RASSF8: variants seen among roughly 807,000 people sequenced by gnomAD.
RASSF8 encodes the protein ras association domain-containing protein 8.
Under a neutral mutation model 48.5 loss-of-function variants are expected in RASSF8, and 22 were observed. The ratio of observed to expected loss-of-function variants is 0.45; its 90% CI spans 0.32 to 0.65. RASSF8 has a LOEUF of 0.65. RASSF8 is among the 30% of genes least tolerant of loss of function. The pLI is 0.03. For synonymous variants in RASSF8, 127 were observed against 171.5 expected (o/e 0.74, Z 2.03); for missense variants, 418 against 489.2 (o/e 0.85, Z 1.37).
At chr12:25,988,672 A>G (rs936580205) in intron 1 of RASSF8, among the ~76,000 whole-genome samples, 1 of 152,218 alleles carries the variant, frequency 6.6e-6, no homozygotes, top group Non-Finnish European at 1.5e-5. Context: ...CAGTTCAGGA[A>G]ATAGTATGTG....
intron 2 of RASSF8, among the ~76,000 whole-genome samples, chr12:26,031,752 G>A (rs1334866614): frequency 2.0e-5 from 3 of 151,978 alleles, no homozygotes; most frequent in Non-Finnish European, 4.4e-5. Context: ...GAGAACTTGA[G>A]AAAAAGAGGG....
In RASSF8 at chr12:26,067,727, A is replaced by C; in HGVS notation, c.1138+14A>C. 6.2e-7 allele frequency: 1 copy of C among 1,613,322 alleles called. No individual in the cohort carries two copies. The highest frequency in any genetic ancestry group is 1.1e-5 in the South Asian group (1 of 91,026). On this transcript the variant is annotated intron_variant, in intron 5 of 5. Coordinates refer to ENST00000689635, the MANE Select transcript of RASSF8 (RefSeq NM_001394098.1). Reference sequence around the variant, plus strand: ...ACATTGAAAGGGGTAAGATGTTGATAAATATGGTTTATTTTCCCTTTATTC... The same window carrying C: ...ACATTGAAAGGGGTAAGATGTTGATCAATATGGTTTATTTTCCCTTTATTC...
In RASSF8 at chr12:26,067,599, A is replaced by T; in HGVS notation, c.1024A>T (p.Lys342Ter). The T allele has an allele frequency of 1.2e-6, 2 of 1,613,916 alleles. No individual in the cohort carries two copies. Among genetic ancestry groups the T allele is most frequent in the Non-Finnish European group, 1.7e-6 (2 of 1,179,852 alleles). ...AGAACAGGAACTGGAGCAGTTGACT[A>T]AGGAGTTGCGGCAAGTCAATCTCCA... Reference protein sequence around the residue: ...DKEQELEQLTKELRQVNLQQF... With the variant: ...DKEQELEQLT Residue 342 changes from lysine to a stop codon, truncating the protein, a stop_gained, in exon 5 of 6, where the codon AAG (lysine) becomes TAG (stop). Coordinates refer to ENST00000689635, the MANE Select transcript of RASSF8 (RefSeq NM_001394098.1). LOFTEE classifies it high-confidence loss of function.
At chr12:26,038,783 G>A (rs1943205449) in intron 2 of RASSF8, among the ~76,000 whole-genome samples, 3 of 152,032 alleles carry the variant, frequency 2.0e-5, no homozygotes, top group Admixed American at 6.6e-5. Flanking sequence ...TTTGACTTTA[G>A]TGTCCTCACA....
At chr12:26,049,103 A>G (rs1363030961) in intron 2 of RASSF8, among the ~76,000 whole-genome samples, 1 of 152,224 alleles carries the variant, frequency 6.6e-6, no homozygotes. Flanking sequence ...TTAAAATCCC[A>G]AGCTAAATAC....
At chr12:26,016,838 G>A (rs1455340763) in intron 2 of RASSF8, among the ~76,000 whole-genome samples, 1 of 152,084 alleles carries the variant, frequency 6.6e-6, no homozygotes, top group Non-Finnish European at 1.5e-5. Context: ...AACAAAACAG[G>A]ATAGATAATG....
At chr12:26,041,589 G>A (rs1233081461) in intron 2 of RASSF8, among the ~76,000 whole-genome samples, 1 of 152,094 alleles carries the variant, frequency 6.6e-6, no homozygotes, top group African/African-American at 2.4e-5. Context: ...AAGAAGCAGA[G>A]TGGGGGGGTG....
chr12:26,049,991 G>A (rs1216114275), intron 2 of RASSF8, among the ~76,000 whole-genome samples: 5 of 152,036 alleles, frequency 3.3e-5, no homozygotes, highest in African/African-American at 7.2e-5. Context: ...TCGTGTGTTA[G>A]TCAGGATGGT....
intron 2 of RASSF8, among the ~76,000 whole-genome samples, chr12:25,995,939 G>C (rs1942122779): frequency 6.6e-6 from 1 of 152,156 alleles, no homozygotes; most frequent in Admixed American, 6.5e-5. Flanking sequence ...TTTTTAACTA[G>C]ATGCTGGATC....
downstream of RASSF8, among the ~76,000 whole-genome samples, chr12:26,073,885 G>T: frequency 6.7e-6 from 1 of 149,468 alleles, no homozygotes. Context: ...TATTTATTGA[G>T]CCAAAGTAAA....
In RASSF8 at chr12:26,071,731, G is replaced by A; in HGVS notation, c.*2913G>A. 5 of 983,576 alleles carry A rather than the reference G, an allele frequency of 5.1e-6. No homozygotes were observed. Among genetic ancestry groups the A allele is most frequent in the Non-Finnish European group, 6.0e-6 (5 of 828,354 alleles). The allele number at this position is 983,576 out of a possible 1,614,324, so 60.9% of individuals were successfully genotyped here. A position where few individuals can be genotyped will look rare whatever the true frequency, so the allele number is the denominator to read the frequency against. ...TTTAATTCTCCCAGTCATCAATGAG[G>A]TAATCATCAATTCCTATAGTTCAAA... On this transcript the variant is annotated 3_prime_UTR_variant, in exon 6 of 6. Transcript: ENST00000689635.
At chr12:25,986,660 G>T (rs1269363129) in intron 1 of RASSF8, among the ~76,000 whole-genome samples, 4 of 152,158 alleles carry the variant, frequency 2.6e-5, no homozygotes, top group African/African-American at 9.7e-5. Context: ...CCTCTAAATT[G>T]TGTAGGGACT....
chr12:26,066,451 G>A (rs554383869), intron 4 of RASSF8, among the ~76,000 whole-genome samples: 7 of 152,128 alleles, frequency 4.6e-5, no homozygotes, highest in South Asian at 2.1e-4. Context: ...TCCTTTCTCC[G>A]TCATTATCTG....
intron 1 of RASSF8, among the ~76,000 whole-genome samples, chr12:25,984,466 C>G (rs1323531319): frequency 1.3e-5 from 2 of 152,130 alleles, no homozygotes; most frequent in Non-Finnish European, 2.9e-5. Context: ...CCTCAGCCTC[C>G]TGAGTAGCTG....
At chr12:26,016,048 T>C (rs1276840780) in intron 2 of RASSF8, among the ~76,000 whole-genome samples, 1 of 152,166 alleles carries the variant, frequency 6.6e-6, no homozygotes, top group East Asian at 1.9e-4. Flanking sequence ...CGAGCAGTCA[T>C]AATCTCTAAA....
At chr12:26,014,971 C>G (rs1250755853) in intron 2 of RASSF8, among the ~76,000 whole-genome samples, 3 of 151,592 alleles carry the variant, frequency 2.0e-5, no homozygotes, top group Non-Finnish European at 2.9e-5. Context: ...TTTGGGAGGC[C>G]AAGGTGGGAG....
At chr12:26,036,616 G>A (rs1039279291) in intron 2 of RASSF8, among the ~76,000 whole-genome samples, 2 of 151,992 alleles carry the variant, frequency 1.3e-5, no homozygotes, top group African/African-American at 4.8e-5. Flanking sequence ...TTTTTAAAAA[G>A]TGTATGTCTG....
rs771977165 is a variant in RASSF8 at position 26,064,910 on chromosome 12, G to A, written c.516G>A (p.Leu172=). ...TADELKKLIR[L]QTEKLQSIEK... ...ATGAGTTGAAGAAGCTAATCCGTCT[G>A]CAGACAGAGAAGCTTCAATCCATTG... is the stretch of plus-strand genomic sequence containing the variant. The change falls in exon 4 of 6, where the codon CTG becomes CTA. Residue 172 remains leucine (L), a synonymous_variant. Coordinates refer to ENST00000689635, the MANE Select transcript of RASSF8 (RefSeq NM_001394098.1). 3 of 1,614,200 alleles carry A rather than the reference G, an allele frequency of 1.9e-6. No homozygotes were observed. Among genetic ancestry groups the A allele is most frequent in the Admixed American group, 3.3e-5 (2 of 60,018 alleles).
chr12:26,006,063 A>ACC (rs1942383482), intron 2 of RASSF8, among the ~76,000 whole-genome samples: 1 of 151,322 alleles, frequency 6.6e-6, no homozygotes, highest in Non-Finnish European at 1.5e-5. Flanking sequence ...GTGCACAGAC[A>ACC]CACACACACA....
Sources: gnomAD v4.1 joint callset for allele counts (sites outside exome capture counted in the v4.1 genomes callset) on GRCh38, gnomAD v4.1.1 for gene constraint, MANE v1.5 for transcripts, NCBI Gene and HGNC (gene_info 2026-07-23, HGNC 2026-07-21) for gene names.